PTK2: variants seen among roughly 807,000 people sequenced by gnomAD.
PTK2 encodes the protein protein tyrosine kinase 2.
Under a neutral mutation model 150.1 loss-of-function variants are expected in PTK2, and 45 were observed. The ratio of observed to expected loss-of-function variants is 0.30; its 90% CI spans 0.24 to 0.38. The LOEUF is 0.38. Ranked by LOEUF, PTK2 falls within the 10% of genes least tolerant of loss-of-function variation. PTK2 has a pLI of 1.00. For missense variants in PTK2, 919 were observed against 1,307.3 expected (o/e 0.70, Z 4.58); for synonymous variants, 432 against 449.2 (o/e 0.96, Z 0.48).
intron 20 of PTK2, among the ~76,000 whole-genome samples, chr8:140,742,771 G>A (rs570674590): frequency 1.3e-5 from 2 of 152,174 alleles, no homozygotes; most frequent in South Asian, 2.1e-4. Flanking sequence ...TGTCAGATAC[G>A]TGTGGCTGGC....
intron 3 of PTK2, among the ~76,000 whole-genome samples, chr8:140,886,891 T>C (rs1410333283): frequency 6.6e-6 from 1 of 152,212 alleles, no homozygotes; most frequent in Admixed American, 6.5e-5. Context: ...TGGAATTTTA[T>C]GTCATTATTT....
chr8:140,719,587 T>A (rs2100041654), intron 22 of PTK2, among the ~76,000 whole-genome samples: 1 of 152,200 alleles, frequency 6.6e-6, no homozygotes, highest in Non-Finnish European at 1.5e-5. Flanking sequence ...CTATAAGCGT[T>A]AGTTGTCATC....
chr8:140,903,822 T>C (rs1007309643), intron 2 of PTK2, among the ~76,000 whole-genome samples: 2 of 152,214 alleles, frequency 1.3e-5, no homozygotes, highest in African/African-American at 4.8e-5. Flanking sequence ...ATAGGAATGC[T>C]TGTAATTTTT....
rs900464534 is a variant in PTK2, at chr8:140,868,997, T to A, written c.363-4598A>T. Among the ~76,000 whole-genome samples the A allele has an allele frequency of 2.0e-5, 3 of 152,298 alleles. No individual in the cohort carries two copies. The South Asian group carries it at 6.2e-4, about 32-fold the overall frequency. The stretch of plus-strand genomic sequence containing the variant: ...GATTTTAATATTTAGGGAAACTGGC[T>A]GAAGGGTACACAGGATTTCTGTGTA... On this transcript the variant is annotated intron_variant, in intron 4 of 31. Transcript: ENST00000522684.
At chr8:140,803,548 G>A (rs770648069) in exon 11 of PTK2, 3 of 1,607,474 alleles carry the variant, frequency 1.9e-6, no homozygotes, top group South Asian at 1.1e-5. Flanking sequence ...CTTACCTCGG[G>A]TGCACCTGCT....
intron 23 of PTK2, among the ~76,000 whole-genome samples, chr8:140,708,864 A>C (rs533952848): frequency 1.3e-5 from 2 of 152,216 alleles, no homozygotes; most frequent in South Asian, 4.2e-4. Flanking sequence ...GGTTTTCTGA[A>C]TCAAATGCTC....
chr8:140,766,002 C>T (rs1435785911), intron 14 of PTK2, among the ~76,000 whole-genome samples: 1 of 152,094 alleles, frequency 6.6e-6, no homozygotes, highest in Non-Finnish European at 1.5e-5. Flanking sequence ...GCCCTAGCAC[C>T]CTCACTGCTT....
rs2100095466 is a variant in PTK2, at chr8:140,802,177, ATG to A, written c.975+1364_975+1365del. Among the ~76,000 whole-genome samples, 12 of 152,208 alleles carry A rather than the reference ATG, an allele frequency of 7.9e-5. No individual in the cohort carries two copies. The South Asian group carries it at 2.3e-3, about 29-fold the overall frequency. On this transcript the variant is annotated intron_variant, in intron 11 of 31. Coordinates refer to ENST00000522684, the Ensembl canonical transcript of PTK2. ...TGTTCTCATAGGAGATGACAGTTTCATGTGTGTTACGGCCCCTGAAGACCTCC... is the reference window on the plus strand; with the variant it reads ...TGTTCTCATAGGAGATGACAGTTTCATGTGTTACGGCCCCTGAAGACCTCC...
intron 2 of PTK2, 34 bp downstream of exon 2, chr8:140,925,627 C>T (rs1351211735): frequency 2.0e-6 from 2 of 983,220 alleles, no homozygotes; most frequent in Non-Finnish European, 2.4e-6. Flanking sequence ...GCATTATTCA[C>T]TTTCTTTGCA....
At chr8:140,681,425 A>G (rs1051218236) in intron 27 of PTK2, among the ~76,000 whole-genome samples, 1 of 151,928 alleles carries the variant, frequency 6.6e-6, no homozygotes, top group Admixed American at 6.6e-5. Context: ...TGGAAAAACA[A>G]GAGCCAACCA....
intron 7 of PTK2, among the ~76,000 whole-genome samples, chr8:140,844,865 T>C (rs13256101): frequency 0.42 from 63,400 of 151,624 alleles, 14,823 homozygotes; most frequent in Non-Finnish European, 0.54. Context: ...AATGTTCCCA[T>C]AGAACTAAAA....
At position 140,919,950 on chromosome 8, in the gene PTK2, C is replaced by A. The variant is rs1057157026; in HGVS notation, c.-33+5711G>T. On this transcript the variant is annotated intron_variant, in intron 2 of 31. Transcript: ENST00000522684. ...AGTTTGGTGCTAACTTGGTTTAGTA[C>A]CCAGTGGTACTAAAATTTTTACCCT... Among the ~76,000 whole-genome samples the A allele has an allele frequency of 3.3e-5, 5 of 151,988 alleles. No homozygotes were observed. The South Asian group carries it at 1.0e-3, about 32-fold the overall frequency.
At position 140,930,677 on chromosome 8, in the gene PTK2, C is replaced by G. The variant is rs924299460; in HGVS notation, c.-121-4928G>C. 4.6e-5 allele frequency among the ~76,000 whole-genome samples: 7 copies of G among 152,146 alleles called. No homozygotes were observed. The East Asian group carries it at 1.3e-3, about 29-fold the overall frequency. On this transcript the variant is annotated intron_variant, in intron 1 of 31. Coordinates refer to ENST00000522684, the Ensembl canonical transcript of PTK2. The stretch of plus-strand genomic sequence containing the variant: ...GTATTTCATTTCTAAGTACTGAGGA[C>G]TTTACTGGATATTGTTTCTTTAAAA...
chr8:140,870,567 C>T (rs1195775619), intron 4 of PTK2, among the ~76,000 whole-genome samples: 1 of 152,062 alleles, frequency 6.6e-6, no homozygotes, highest in Non-Finnish European at 1.5e-5. Flanking sequence ...CAGAAGGCAT[C>T]AAAGACAATG....
chr8:140,935,665 G>A (rs1341632371), intron 1 of PTK2, among the ~76,000 whole-genome samples: 2 of 150,148 alleles, frequency 1.3e-5, no homozygotes, highest in African/African-American at 2.5e-5. Context: ...TTCCTAATGC[G>A]CTGTTCATGT....
At chr8:140,759,545 A>AAAG (rs544861392) in intron 16 of PTK2, among the ~76,000 whole-genome samples, 2,839 of 149,648 alleles carry the variant, frequency 0.019, 126 homozygotes, top group African/African-American at 0.068. Context: ...AAAAAAAAAA[A>AAAG]AAAAAAAAAG....
intron 1 of PTK2, among the ~76,000 whole-genome samples, chr8:140,979,713 G>C (rs1457351080): frequency 2.0e-5 from 3 of 152,062 alleles, no homozygotes; most frequent in Non-Finnish European, 2.9e-5. Flanking sequence ...ATCATAAGGC[G>C]GGCTCTTTCC....
chr8:140,814,155 G>T (rs973823233), intron 10 of PTK2, among the ~76,000 whole-genome samples: 4 of 152,110 alleles, frequency 2.6e-5, no homozygotes, highest in African/African-American at 9.7e-5. Flanking sequence ...AATTGAATCC[G>T]TAATAAATAG....
At chr8:140,678,689 T>C (rs1471293945) in intron 27 of PTK2, among the ~76,000 whole-genome samples, 2 of 152,110 alleles carry the variant, frequency 1.3e-5, no homozygotes, top group Non-Finnish European at 2.9e-5. Flanking sequence ...TCAGGCCTTC[T>C]AAGAAAGTGA....
Sources: allele counts gnomAD v4.1 joint callset (sites outside exome capture counted in the v4.1 genomes callset), GRCh38; gene constraint gnomAD v4.1.1; transcripts MANE v1.5; gene names NCBI Gene and HGNC (gene_info 2026-07-23, HGNC 2026-07-21).